The following NKAIN2 variants were observed in gnomAD, a reference collection of about 807,000 sequenced individuals.
NKAIN2 encodes the protein sodium/potassium transporting ATPase interacting 2, also known as sodium/potassium-transporting ATPase subunit beta-1-interacting protein 2.
A neutral mutation model predicts 32.6 loss-of-function variants in NKAIN2; 14 were observed. The observed-to-expected ratio is 0.43, with a 90% CI of 0.28 to 0.67. The LOEUF (loss-of-function observed/expected upper bound fraction) is 0.67. Ranked by LOEUF, NKAIN2 falls within the 30% of genes least tolerant of loss-of-function variation. The pLI, the probability that NKAIN2 is intolerant of heterozygous loss-of-function variation, is 0.17. For synonymous variants in NKAIN2, 80 were observed against 87.2 expected, an observed-to-expected ratio of 0.92 and a Z score of 0.46; for missense variants, 198 against 258.3, an observed-to-expected ratio of 0.77 and a Z score of 1.60.
intron 3 of NKAIN2, among the ~76,000 whole-genome samples, chr6:124,508,445 C>T (rs1039675423): frequency 2.0e-5 from 3 of 151,766 alleles, no homozygotes; most frequent in South Asian, 2.1e-4. Context: ...CCCGGGTTCA[C>T]GCCATTCTCC....
At chr6:124,793,483 G>GC (rs1253153868) in intron 5 of NKAIN2, among the ~76,000 whole-genome samples, 10 of 152,114 alleles carry the variant, frequency 6.6e-5, no homozygotes, top group Non-Finnish European at 1.2e-4. Context: ...GAAGTCCCCA[G>GC]TTGATTTTCA....
At chr6:124,475,937 G>C (rs982037931) in intron 3 of NKAIN2, among the ~76,000 whole-genome samples, 7 of 151,978 alleles carry the variant, frequency 4.6e-5, no homozygotes, top group Non-Finnish European at 1.0e-4. Context: ...TTGTGTGGTA[G>C]CTTTTTCTAA....
At chr6:124,391,435 G>A (rs1332353462) in intron 3 of NKAIN2, among the ~76,000 whole-genome samples, 1 of 152,024 alleles carries the variant, frequency 6.6e-6, no homozygotes, top group Non-Finnish European at 1.5e-5. Flanking sequence ...TGTTCACCAG[G>A]GCCTGACACA....
At chr6:123,986,803 G>A (rs547268675) in intron 1 of NKAIN2, among the ~76,000 whole-genome samples, 15 of 152,142 alleles carry the variant, frequency 9.9e-5, no homozygotes, top group African/African-American at 2.2e-4. Context: ...AATCAGGTAC[G>A]GTTTCACTCA....
intron 1 of NKAIN2, among the ~76,000 whole-genome samples, chr6:124,018,329 T>TC (rs1457894163): frequency 6.6e-6 from 1 of 152,154 alleles, no homozygotes; most frequent in Non-Finnish European, 1.5e-5. Flanking sequence ...GCCACAGAAG[T>TC]CCCTGACATG....
intron 3 of NKAIN2, among the ~76,000 whole-genome samples, chr6:124,626,775 C>A (rs1783366876): frequency 6.6e-6 from 1 of 152,106 alleles, no homozygotes; most frequent in African/African-American, 2.4e-5. Context: ...GAAGCACCTT[C>A]CTGAAGGGGT....
At chr6:124,135,332 G>A (rs1416531822) in intron 1 of NKAIN2, among the ~76,000 whole-genome samples, 1 of 151,508 alleles carries the variant, frequency 6.6e-6, no homozygotes, top group Non-Finnish European at 1.5e-5. Flanking sequence ...ATACAGAACG[G>A]CAGATGGAAA....
At chr6:124,495,895 G>A (rs1778044657) in intron 3 of NKAIN2, among the ~76,000 whole-genome samples, 1 of 152,014 alleles carries the variant, frequency 6.6e-6, no homozygotes, top group South Asian at 2.1e-4. Context: ...TTGAGATGTT[G>A]GTGAAATTTT....
At chr6:124,014,278 A>C (rs544365932) in intron 1 of NKAIN2, among the ~76,000 whole-genome samples, 59 of 152,308 alleles carry the variant, frequency 3.9e-4, no homozygotes, top group African/African-American at 1.4e-3. Context: ...ATGTCCACCT[A>C]CAAATATATA....
At chr6:123,889,154 A>T (rs1368837667) in intron 1 of NKAIN2, among the ~76,000 whole-genome samples, 3 of 152,134 alleles carry the variant, frequency 2.0e-5, no homozygotes, top group Non-Finnish European at 2.9e-5. Flanking sequence ...TAGAAGAGTC[A>T]TTTATATCTC....
intron 1 of NKAIN2, among the ~76,000 whole-genome samples, chr6:123,818,974 G>T (rs1226769545): frequency 6.6e-6 from 1 of 152,152 alleles, no homozygotes; most frequent in Non-Finnish European, 1.5e-5. Flanking sequence ...GTGGAAAGGT[G>T]TGTGTTTGTC....
rs191585196 is a variant in NKAIN2, at chr6:124,186,753, A to G, written c.55-96252A>G. 6.5e-3 allele frequency among the ~76,000 whole-genome samples: 994 copies of G among 152,286 alleles called. 14 individuals are homozygous for G. Among genetic ancestry groups the G allele is most frequent in the African/African-American group, 0.023 (942 of 41,556 alleles). On this transcript the variant is annotated intron_variant, in intron 1 of 6. Coordinates refer to ENST00000368417, the MANE Select transcript of NKAIN2 (RefSeq NM_001040214.3). ...TACTGTGGAAAATGTCCATGTATTC[A>G]TTTTAAATTAGCTAAAAAGCATAAG... is the stretch of plus-strand genomic sequence containing the variant.
chr6:124,524,472 G>T (rs777027785), intron 3 of NKAIN2, among the ~76,000 whole-genome samples: 3 of 152,084 alleles, frequency 2.0e-5, no homozygotes, highest in African/African-American at 4.8e-5. Flanking sequence ...AATGAGAATA[G>T]TAACATGTTC....
At chr6:124,484,538 T>C (rs1440248335) in intron 3 of NKAIN2, among the ~76,000 whole-genome samples, 1 of 152,176 alleles carries the variant, frequency 6.6e-6, no homozygotes, top group Non-Finnish European at 1.5e-5. Context: ...TCTTATATGA[T>C]TCAGGATCAC....
intron 1 of NKAIN2, among the ~76,000 whole-genome samples, chr6:123,879,911 CA>C (rs766254265): frequency 6.6e-5 from 10 of 152,278 alleles, no homozygotes; most frequent in Admixed American, 2.6e-4. Flanking sequence ...ACTTGCCTGA[CA>C]TTGCTCTGGT....
At chr6:124,800,907 C>T (rs1780227992) in intron 5 of NKAIN2, among the ~76,000 whole-genome samples, 1 of 152,150 alleles carries the variant, frequency 6.6e-6, no homozygotes, top group African/African-American at 2.4e-5. Flanking sequence ...TATACATTAA[C>T]AATCCTGCTA....
chr6:124,254,422 TTTC>T (rs1281243889), intron 1 of NKAIN2, among the ~76,000 whole-genome samples: 1 of 152,224 alleles, frequency 6.6e-6, no homozygotes, highest in African/African-American at 2.4e-5. Context: ...GGTGAATTGC[TTTC>T]TTCTTGCTTT....
At chr6:124,785,222 CA>C (rs1268950506) in intron 4 of NKAIN2, among the ~76,000 whole-genome samples, 1 of 152,098 alleles carries the variant, frequency 6.6e-6, no homozygotes, top group Admixed American at 6.6e-5. Flanking sequence ...CCACATTTTT[CA>C]GTTCTAAGTT....
intron 1 of NKAIN2, among the ~76,000 whole-genome samples, chr6:123,825,403 T>A (rs576243355): frequency 6.6e-5 from 10 of 152,284 alleles, no homozygotes; most frequent in African/African-American, 2.4e-4. Context: ...AGTTAATTGA[T>A]AAGTTTTATT....
Sources: gnomAD v4.1 joint callset for allele counts (sites outside exome capture counted in the v4.1 genomes callset) on GRCh38, gnomAD v4.1.1 for gene constraint, MANE v1.5 for transcripts, NCBI Gene and HGNC (gene_info 2026-07-23, HGNC 2026-07-21) for gene names.